CHAF1A: variants seen among roughly 807,000 people sequenced by gnomAD.
CHAF1A encodes CAF-1 subunit A.
CHAF1A carries 5 observed loss-of-function variants against 93.2 expected under a neutral mutation model. That is an observed-to-expected ratio of 0.05 (90% confidence interval 0.03 to 0.11). The LOEUF is 0.11. Ranked by LOEUF, CHAF1A falls within the 10% of genes least tolerant of loss-of-function variation. CHAF1A has a pLI of 1.00. For synonymous variants in CHAF1A, 504 were observed against 510.3 expected (o/e 0.99, Z 0.17); for missense variants, 1,102 against 1,259.9 (o/e 0.87, Z 1.90).
chr19:4,445,377 C>T (rs941731021), downstream of CHAF1A: 33 of 1,500,494 alleles, frequency 2.2e-5, no homozygotes, highest in African/African-American at 6.9e-5. Context: ...GCGCCCCTCC[C>T]GTGCCCATGG....
At position 4,402,686 on chromosome 19, in the gene CHAF1A, A is replaced by C; in HGVS notation, c.-77A>C. ...CGGCGGCAGCAGCGGCGCGGGCGGG[A>C]GGGCGAAGAGCAGCGGCCGCCTGAG... On this transcript the variant is annotated 5_prime_UTR_variant, in exon 1 of 15. Transcript: ENST00000301280. 1.2e-6 allele frequency: 1 copy of C among 834,450 alleles called. No homozygotes were observed. Among genetic ancestry groups the C allele is most frequent in the Non-Finnish European group, 1.6e-6 (1 of 637,948 alleles). 51.7% of individuals were successfully genotyped at this position (834,450 alleles called of 1,614,324 possible).
At chr19:4,448,340 G>C, downstream of CHAF1A, 1 of 1,609,190 alleles carries the variant, frequency 6.2e-7, no homozygotes, top group Non-Finnish European at 8.5e-7. Flanking sequence ...TCCACACCCA[G>C]CTTCACCCGG....
At chr19:4,426,036 A>AT (rs997197026) in intron 7 of CHAF1A, among the ~76,000 whole-genome samples, 2 of 138,876 alleles carry the variant, frequency 1.4e-5, no homozygotes, top group African/African-American at 2.7e-5. Context: ...GCCAATTCCT[A>AT]TTTTTTTACC....
At chr19:4,428,921 A>C in intron 8 of CHAF1A, 31 bp downstream of exon 8, 7 of 1,568,818 alleles carry the variant, frequency 4.5e-6, no homozygotes, top group Non-Finnish European at 6.1e-6. Context: ...GCCTTCACCC[A>C]CTAGTGATGC....
At chr19:4,411,349 C>T (rs576093699) in intron 3 of CHAF1A, among the ~76,000 whole-genome samples, 32 of 152,242 alleles carry the variant, frequency 2.1e-4, no homozygotes, top group Admixed American at 2.0e-3. Flanking sequence ...CCTGCCTCAC[C>T]CTCTCAAGTA....
In CHAF1A at chr19:4,433,615, T is replaced by C. The variant is rs1211556938; in HGVS notation, c.2673+76T>C. Reference sequence around the variant, plus strand: ...TTTGTTTTTTGTTGTTTTGTTTTTTTTTCGAGATGGAGTCCTGCTCTGTCA... The same window carrying C: ...TTTGTTTTTTGTTGTTTTGTTTTTTCTTCGAGATGGAGTCCTGCTCTGTCA... On this transcript the variant is annotated intron_variant, in intron 13 of 14. Coordinates refer to ENST00000301280, the MANE Select transcript of CHAF1A (RefSeq NM_005483.3). The surrounding 1 kb of genome is among the most constrained non-coding windows in gnomAD (Gnocchi z 5.6). The C allele has an allele frequency of 4.0e-6, 5 of 1,243,616 alleles. No individual in the cohort carries two copies. The highest frequency in any genetic ancestry group is 1.5e-5 in the African/African-American group (1 of 65,686). The allele number at this position is 1,243,616 out of a possible 1,614,324, so 77.0% of individuals were successfully genotyped here. A position where few individuals can be genotyped will look rare whatever the true frequency, so the allele number is the denominator to read the frequency against.
intron 13 of CHAF1A, among the ~76,000 whole-genome samples, chr19:4,435,879 C>G (rs552582123): frequency 2.6e-5 from 4 of 152,250 alleles, no homozygotes; most frequent in African/African-American, 9.6e-5. Context: ...TGGCTCACGC[C>G]TATAATCCCA....
chr19:4,442,720 G>T (rs1974416737), intron 14 of CHAF1A, among the ~76,000 whole-genome samples: 3 of 152,224 alleles, frequency 2.0e-5, no homozygotes, highest in Non-Finnish European at 2.9e-5. Context: ...CGGGTGGTGG[G>T]GGGCAGGCAG....
intron 13 of CHAF1A, among the ~76,000 whole-genome samples, chr19:4,435,853 C>G (rs982866732): frequency 6.6e-6 from 1 of 152,028 alleles, no homozygotes; most frequent in African/African-American, 2.4e-5. Context: ...TAAAGGTGGT[C>G]GTTGGCTGGG....
At chr19:4,446,660 C>T (rs202169732), downstream of CHAF1A, 4 of 1,612,180 alleles carry the variant, frequency 2.5e-6, no homozygotes, top group African/African-American at 2.7e-5. Flanking sequence ...TTGTGCCTCT[C>T]CAGGCTCTGG....
chr19:4,448,571 C>T (rs935895911), downstream of CHAF1A: 7 of 661,346 alleles, frequency 1.1e-5, 1 homozygote, highest in South Asian at 9.2e-5. Flanking sequence ...AGAGACCCTC[C>T]AAGACCGCAG....
At chr19:4,405,084 C>T (rs1213675619) in intron 1 of CHAF1A, among the ~76,000 whole-genome samples, 1 of 152,146 alleles carries the variant, frequency 6.6e-6, no homozygotes, top group Admixed American at 6.6e-5. Context: ...GTTTTCTCTC[C>T]TCCCTACTTT....
chr19:4,447,138 AACCAGGC>A, downstream of CHAF1A: 1 of 601,858 alleles, frequency 1.7e-6, no homozygotes, highest in Non-Finnish European at 2.9e-6. Flanking sequence ...AAAGAGTCAC[AACCAGGC>A]ACGAAGAGTG....
At chr19:4,412,964 C>A (rs1269828758) in intron 3 of CHAF1A, among the ~76,000 whole-genome samples, 1 of 152,228 alleles carries the variant, frequency 6.6e-6, no homozygotes, top group African/African-American at 2.4e-5. Context: ...GAGATCCCAG[C>A]TGAGAGAGAC....
chr19:4,439,306 G>T (rs955901160), intron 13 of CHAF1A, among the ~76,000 whole-genome samples: 1 of 151,914 alleles, frequency 6.6e-6, no homozygotes, highest in Non-Finnish European at 1.5e-5. Flanking sequence ...AGACAAAAAG[G>T]CACAAATGTT....
At chr19:4,412,629 G>A (rs1468560556) in intron 3 of CHAF1A, among the ~76,000 whole-genome samples, 1 of 152,110 alleles carries the variant, frequency 6.6e-6, no homozygotes, top group Non-Finnish European at 1.5e-5. Context: ...AAACTGGGAA[G>A]TCCCCTCGTT....
rs535945974 is a variant in CHAF1A at position 4,408,702 on chromosome 19, T to C, written c.104-201T>C. On this transcript the variant is annotated intron_variant, in intron 2 of 14. Transcript: ENST00000301280. ...TTTGGTCTGGCTGGTCTCAAACTCCTGACCTTGTGATCTGCTTGCCTCGGC... is the reference window on the plus strand; with the variant it reads ...TTTGGTCTGGCTGGTCTCAAACTCCCGACCTTGTGATCTGCTTGCCTCGGC... 2.2e-4 allele frequency among the ~76,000 whole-genome samples: 33 copies of C among 151,870 alleles called. 1 individual carries two copies. The highest frequency in any genetic ancestry group is 6.8e-4 in the African/African-American group (28 of 41,380).
At chr19:4,425,633 C>T (rs1205453047) in intron 7 of CHAF1A, among the ~76,000 whole-genome samples, 6 of 152,194 alleles carry the variant, frequency 3.9e-5, no homozygotes, top group Non-Finnish European at 5.9e-5. Context: ...AGGCATGAGC[C>T]ACAGAGCCTG....
At chr19:4,428,548 A>C in intron 7 of CHAF1A, 116 bp from the exon 8 acceptor site, 2 of 860,740 alleles carry the variant, frequency 2.3e-6, no homozygotes, top group South Asian at 3.3e-5. Flanking sequence ...TGGGCTTTTG[A>C]GTCTGTGCCT....
Sources: gnomAD v4.1 joint callset for allele counts (sites outside exome capture counted in the v4.1 genomes callset) on GRCh38, gnomAD v4.1.1 for gene constraint, Gnocchi (gnomAD v3.1) non-coding constraint, MANE v1.5 for transcripts, NCBI Gene and HGNC (gene_info 2026-07-23, HGNC 2026-07-21) for gene names.